DYNC2H1: variants seen among roughly 807,000 people sequenced by gnomAD.
The protein encoded by DYNC2H1 is cytoplasmic dynein 2 heavy chain 1.
DYNC2H1 carries 410 observed loss-of-function variants against 570.0 expected under a neutral mutation model. The observed-to-expected ratio is 0.72, with a 90% confidence interval of 0.66 to 0.78. DYNC2H1 has a LOEUF of 0.78. Ranked by LOEUF, DYNC2H1 falls within the 30% of genes least tolerant of loss-of-function variation. The pLI, the probability that DYNC2H1 is intolerant of heterozygous loss-of-function variation, is 0.00. For missense variants in DYNC2H1, 4,865 were observed against 5,046.4 expected, an observed-to-expected ratio of 0.96 and a Z score of 1.09; for synonymous variants, 1,688 against 1,677.6, an observed-to-expected ratio of 1.01 and a Z score of -0.15.
At position 103,189,719 on chromosome 11, in the gene DYNC2H1, A is replaced by T; in HGVS notation, c.7340A>T (p.Glu2447Val). ...CAAACGATTTATGGAGCATATTTGG[A>T]ACCAGTTCTACATAAAAATCTGAAG... ...QLQTIYGAYL[E>V]PVLHKNLKNH... The change falls in exon 45 of 89, where the codon GAA becomes GTA. Residue 2447 changes from glutamate to valine, a missense_variant. This residue lies in a region of DYNC2H1 where 2,401 missense variants were observed against 2,454.6 expected (regional missense o/e 0.98). Coordinates refer to ENST00000375735, the MANE Select transcript of DYNC2H1 (RefSeq NM_001377.3). The surrounding 1 kb of genome is among the most constrained non-coding windows in gnomAD (Gnocchi z 4.3). 1 of 1,613,090 alleles carries T rather than the reference A, an allele frequency of 6.2e-7. No homozygotes were observed.
intron 31 of DYNC2H1, among the ~76,000 whole-genome samples, chr11:103,168,071 T>G (rs1175923676): frequency 6.6e-6 from 1 of 152,210 alleles, no homozygotes; most frequent in Non-Finnish European, 1.5e-5. Context: ...GCCTTCTGTT[T>G]TGTTTCTCTG....
chr11:103,229,198 G>A lies in DYNC2H1; in HGVS notation c.9354-2062G>A, dbSNP rs566841269. The stretch of plus-strand genomic sequence containing the variant: ...AAAGCAAGCGGACTTAAGTTTTTTG[G>A]TATCTCAGGGAGCCTGCAGTGGTGA... On this transcript the variant is annotated intron_variant, in intron 59 of 88. Coordinates refer to ENST00000375735, the MANE Select transcript of DYNC2H1 (RefSeq NM_001377.3). 1.3e-4 allele frequency among the ~76,000 whole-genome samples: 20 copies of A among 152,272 alleles called. No homozygotes were observed. The South Asian group carries it at 3.5e-3, about 27-fold the overall frequency.
At chr11:103,437,712 A>G (rs1944112928) in intron 85 of DYNC2H1, among the ~76,000 whole-genome samples, 1 of 152,146 alleles carries the variant, frequency 6.6e-6, no homozygotes, top group African/African-American at 2.4e-5. Context: ...AGTTTGTTGT[A>G]TAATTGCATG....
chr11:103,113,678 C>A lies in DYNC2H1; in HGVS notation c.337C>A (p.Arg113=). 6.4e-7 allele frequency: 1 copy of A among 1,551,294 alleles called. No individual in the cohort carries two copies. The highest frequency in any genetic ancestry group is 8.6e-7 in the Non-Finnish European group (1 of 1,157,810). ...TATTAGTTCTCTTTACCAAGCAGTA[C>A]GGCAAGTATTCGCACCAATGTTGTT... ...SPISSLYQAV[R]QVFAPMLLKD... Residue 113 remains arginine, a synonymous_variant, in exon 2 of 89, where the codon CGG becomes AGG. Transcript: ENST00000375735.
intron 59 of DYNC2H1, among the ~76,000 whole-genome samples, chr11:103,230,654 G>C (rs1863970042): frequency 6.6e-6 from 1 of 152,066 alleles, no homozygotes; most frequent in African/African-American, 2.4e-5. Flanking sequence ...AACATTTTAG[G>C]ATTCTGCTTT....
At chr11:103,213,632 A>G (rs1863249289) in intron 54 of DYNC2H1, among the ~76,000 whole-genome samples, 1 of 152,100 alleles carries the variant, frequency 6.6e-6, no homozygotes, top group African/African-American at 2.4e-5. Flanking sequence ...TCTTTTAAAA[A>G]AAAAAAATCT....
intron 84 of DYNC2H1, among the ~76,000 whole-genome samples, chr11:103,422,841 A>G (rs934614023): frequency 2.6e-5 from 4 of 152,128 alleles, no homozygotes; most frequent in African/African-American, 9.7e-5. Flanking sequence ...AGCCAGGGCA[A>G]TTGGGAAAGA....
At chr11:103,287,923 T>C (rs1866414997) in intron 75 of DYNC2H1, among the ~76,000 whole-genome samples, 1 of 152,162 alleles carries the variant, frequency 6.6e-6, no homozygotes, top group Non-Finnish European at 1.5e-5. Context: ...TTATTATTAC[T>C]CAAATCAGTC....
rs1866067727 is a variant in DYNC2H1 at position 103,280,013 on chromosome 11, T to G, written c.10696-335T>G. Among the ~76,000 whole-genome samples, 1 of 151,920 alleles carries G rather than the reference T, an allele frequency of 6.6e-6. No individual in the cohort carries two copies. The highest frequency in any genetic ancestry group is 1.5e-5 in the Non-Finnish European group (1 of 67,976). On this transcript the variant is annotated intron_variant, in intron 70 of 88. Transcript: ENST00000375735. The surrounding 1 kb of genome is among the most constrained non-coding windows in gnomAD (Gnocchi z 4.7). ...AACTGAAGATTGCTAATGCATGGAG[T>G]GGATTTGGTGGATGATGACTAATCA... is the stretch of plus-strand genomic sequence containing the variant.
At chr11:103,287,114 C>T (rs1215765695) in intron 74 of DYNC2H1, among the ~76,000 whole-genome samples, 1 of 151,982 alleles carries the variant, frequency 6.6e-6, no homozygotes, top group Non-Finnish European at 1.5e-5. Flanking sequence ...TGCACTCCAG[C>T]CTGGGTGACA....
At chr11:103,323,531 T>C (rs1938321425) in intron 81 of DYNC2H1, among the ~76,000 whole-genome samples, 1 of 151,886 alleles carries the variant, frequency 6.6e-6, no homozygotes. Context: ...CTCTGCAGAT[T>C]GGTCTTTGGT....
At chr11:103,432,671 T>TAA (rs10664424) in intron 84 of DYNC2H1, among the ~76,000 whole-genome samples, 1 of 151,438 alleles carries the variant, frequency 6.6e-6, no homozygotes, top group African/African-American at 2.4e-5. Flanking sequence ...AAAAAAAAAT[T>TAA]GAGAAATGCT....
chr11:103,282,972 C>A, intron 72 of DYNC2H1, 36 bp from the exon 73 acceptor site: 1 of 1,490,308 alleles, frequency 6.7e-7, no homozygotes, highest in Middle Eastern at 1.7e-4. Context: ...TGAATTTTAC[C>A]AAGTATACTA....
In DYNC2H1 at chr11:103,121,426, G is replaced by A. The variant is rs529519765; in HGVS notation, c.1415G>A (p.Gly472Glu). ...RCRGIPGDAS[G>E]PLSGKNLSEV... ...CGAGGAATTCCTGGTGATGCATCTG[G>A]ACCACTTTCTGGCAAAAATCTTTCA... Residue 472 changes from glycine to glutamate, a missense_variant, in exon 10 of 89, where the codon GGA becomes GAA. Around this residue, in one of 5 missense-constraint regions of DYNC2H1, gnomAD observed 1,936 missense variants for 1,962.1 expected, o/e 0.99. Transcript: ENST00000375735. 6.2e-7 allele frequency: 1 copy of A among 1,613,466 alleles called. No homozygotes were observed. Among genetic ancestry groups the A allele is most frequent in the African/African-American group, 1.3e-5 (1 of 75,014 alleles).
chr11:103,410,813 T>C (rs1373147644), intron 84 of DYNC2H1, among the ~76,000 whole-genome samples: 1 of 151,998 alleles, frequency 6.6e-6, no homozygotes, highest in Non-Finnish European at 1.5e-5. Flanking sequence ...CTTGGGTTCA[T>C]TGTATGGCCA....
rs552128890 is a variant in DYNC2H1, at chr11:103,312,581, G to A, written c.11649+548G>A. On this transcript the variant is annotated intron_variant, in intron 79 of 88. Coordinates refer to ENST00000375735, the MANE Select transcript of DYNC2H1 (RefSeq NM_001377.3). Reference sequence around the variant, plus strand: ...AAAAAAAAAAACCAATTGTAATGTAGTATAAATAGCTAGGTTTACATATTT... The same window carrying A: ...AAAAAAAAAAACCAATTGTAATGTAATATAAATAGCTAGGTTTACATATTT... Among the ~76,000 whole-genome samples, 15 of 142,756 alleles carry A rather than the reference G, an allele frequency of 1.1e-4. No homozygotes were observed. In the South Asian group the frequency reaches 3.0e-3, roughly 29 times the overall value. 93.7% of individuals were successfully genotyped at this position (142,756 alleles called of 152,430 possible).
chr11:103,173,017 C>A, intron 34 of DYNC2H1, 65 bp from the exon 35 acceptor site: 1 of 849,878 alleles, frequency 1.2e-6, no homozygotes, highest in Non-Finnish European at 1.6e-6. Flanking sequence ...TAAACGATGC[C>A]TATATGTTAA....
chr11:103,380,309 T>C (rs1343031592), intron 83 of DYNC2H1, among the ~76,000 whole-genome samples: 1 of 152,180 alleles, frequency 6.6e-6, no homozygotes, highest in Non-Finnish European at 1.5e-5. Flanking sequence ...AATAACCACT[T>C]CCCTCTCCAG....
chr11:103,282,042 C>G (rs947525881), intron 71 of DYNC2H1, 137 bp from the exon 72 acceptor site: 1 of 581,068 alleles, frequency 1.7e-6, no homozygotes, highest in Non-Finnish European at 3.0e-6. Flanking sequence ...TGTTAACATA[C>G]TAGAAGAAGT....
Sources: allele counts gnomAD v4.1 joint callset (sites outside exome capture counted in the v4.1 genomes callset), GRCh38; gene constraint gnomAD v4.1.1; regional missense constraint gnomAD v4.1.1; non-coding constraint Gnocchi (gnomAD v3.1); transcripts MANE v1.5; gene names NCBI Gene and HGNC (gene_info 2026-07-23, HGNC 2026-07-21).